Variants in PRKG2 observed in about 807,000 individuals in gnomAD.
The protein encoded by PRKG2 is protein kinase cGMP-dependent 2.
Under a neutral mutation model 97.2 loss-of-function variants are expected in PRKG2, and 33 were observed. The ratio of observed to expected loss-of-function variants is 0.34; its 90% CI spans 0.26 to 0.45. The LOEUF (loss-of-function observed/expected upper bound fraction) is 0.45, where lower values mean the gene tolerates loss of function less well. Ranked by LOEUF, PRKG2 falls within the 20% of genes least tolerant of loss-of-function variation. PRKG2 has a pLI of 1.00. For synonymous variants in PRKG2, 330 were observed against 321.8 expected (o/e 1.03, Z -0.27); for missense variants, 638 against 900.0 (o/e 0.71, Z 3.73).
chr4:81,145,263 A>C (rs1338193986), intron 9 of PRKG2, among the ~76,000 whole-genome samples: 1 of 152,092 alleles, frequency 6.6e-6, no homozygotes, highest in Non-Finnish European at 1.5e-5. Flanking sequence ...AAGGTTTAAC[A>C]ACAATTTTTT....
chr4:81,137,700 C>G (rs1746849531), intron 12 of PRKG2, among the ~76,000 whole-genome samples: 1 of 152,248 alleles, frequency 6.6e-6, no homozygotes, highest in South Asian at 2.1e-4. Context: ...TTTCTCTAAC[C>G]ACAGACTGAA....
At chr4:81,093,453 T>TA (rs1560528619) in intron 17 of PRKG2, among the ~76,000 whole-genome samples, 2 of 151,964 alleles carry the variant, frequency 1.3e-5, no homozygotes, top group African/African-American at 4.8e-5. Flanking sequence ...TTAGCATCTA[T>TA]AGCTATCTAA....
At chr4:81,177,728 T>C (rs970514391) in intron 2 of PRKG2, among the ~76,000 whole-genome samples, 8 of 152,046 alleles carry the variant, frequency 5.3e-5, no homozygotes, top group African/African-American at 1.9e-4. Flanking sequence ...TTTGCAACTC[T>C]TTCTACAACT....
At chr4:81,166,117 C>T (rs1417864137) in intron 6 of PRKG2, among the ~76,000 whole-genome samples, 2 of 152,182 alleles carry the variant, frequency 1.3e-5, no homozygotes, top group African/African-American at 2.4e-5. Context: ...CGGCCAGGCA[C>T]TGTGTCATCA....
At chr4:81,197,392 C>T (rs1753028013) in intron 2 of PRKG2, among the ~76,000 whole-genome samples, 1 of 152,214 alleles carries the variant, frequency 6.6e-6, no homozygotes. Context: ...ACTGCTCAAA[C>T]TCACCTGGAA....
intron 6 of PRKG2, among the ~76,000 whole-genome samples, chr4:81,159,229 TC>T (rs1749392732): frequency 6.6e-6 from 1 of 151,850 alleles, no homozygotes; most frequent in Non-Finnish European, 1.5e-5. Context: ...AGGGCTAATT[TC>T]CAGAATCTAC....
chr4:81,162,088 C>T (rs1749630111), intron 6 of PRKG2, among the ~76,000 whole-genome samples: 1 of 152,086 alleles, frequency 6.6e-6, no homozygotes, highest in Non-Finnish European at 1.5e-5. Context: ...CAGCTGTTTC[C>T]TACATCTTCT....
chr4:81,178,986 G>A (rs142515082), intron 2 of PRKG2, among the ~76,000 whole-genome samples: 4,348 of 151,910 alleles, frequency 0.029, 218 homozygotes, highest in African/African-American at 0.1. Context: ...ATAGCTGGTC[G>A]TGGTGGCAGG....
At chr4:81,183,745 T>C (rs1751628864) in intron 2 of PRKG2, among the ~76,000 whole-genome samples, 1 of 151,966 alleles carries the variant, frequency 6.6e-6, no homozygotes, top group Non-Finnish European at 1.5e-5. Flanking sequence ...ATCCACTAGC[T>C]TGAAATTCTC....
chr4:81,111,370 T>G (rs1178622026), intron 14 of PRKG2, among the ~76,000 whole-genome samples: 3 of 151,274 alleles, frequency 2.0e-5, no homozygotes, highest in Non-Finnish European at 4.4e-5. Flanking sequence ...CAGACTTCAG[T>G]GCATTAGCAA....
intron 5 of PRKG2, among the ~76,000 whole-genome samples, chr4:81,168,042 A>T (rs933431008): frequency 7.5e-5 from 11 of 146,306 alleles, no homozygotes; most frequent in African/African-American, 1.8e-4. Flanking sequence ...AAATGTAAAT[A>T]AAAAAAATAC....
chr4:81,155,327 T>G (rs1414789367), intron 6 of PRKG2, among the ~76,000 whole-genome samples: 2 of 151,516 alleles, frequency 1.3e-5, no homozygotes, highest in African/African-American at 4.9e-5. Context: ...AGAAAGGGTA[T>G]CAGCAATGGA....
At chr4:81,177,313 G>C (rs988473211) in intron 2 of PRKG2, among the ~76,000 whole-genome samples, 1 of 152,102 alleles carries the variant, frequency 6.6e-6, no homozygotes, top group Non-Finnish European at 1.5e-5. Context: ...TTATAACTTG[G>C]TGTATAGACA....
At chr4:81,190,122 C>A (rs563002690) in intron 2 of PRKG2, among the ~76,000 whole-genome samples, 1 of 152,160 alleles carries the variant, frequency 6.6e-6, no homozygotes, top group Admixed American at 6.5e-5. Flanking sequence ...ATAGCCAAGA[C>A]AATCCTAAGC....
At position 81,090,294 on chromosome 4, in the gene PRKG2, G is replaced by GT. The variant is rs201364348; in HGVS notation, c.2194-492dup. ...AATCACTTGAACCTGAGAGGTGAAG[G>GT]TTGCAGTGAGCTGAGATCACACCAC... On this transcript the variant is annotated intron_variant, in intron 18 of 18. Transcript: ENST00000264399. Among the ~76,000 whole-genome samples the GT allele has an allele frequency of 4.9e-3, 751 of 152,144 alleles. 4 individuals carry two copies. Among genetic ancestry groups the GT allele is most frequent in the African/African-American group, 0.017 (724 of 41,492 alleles).
chr4:81,217,331 G>A (rs1247321660), upstream of PRKG2, among the ~76,000 whole-genome samples: 2 of 152,040 alleles, frequency 1.3e-5, no homozygotes, highest in East Asian at 1.9e-4. Context: ...CTTTCTTACC[G>A]TTCATTGAGG....
intron 17 of PRKG2, 41 bp from the exon 18 acceptor site, chr4:81,092,493 GA>G: frequency 9.8e-7 from 1 of 1,019,378 alleles, no homozygotes. Flanking sequence ...AGGAAGGAAG[GA>G]AGGAAGGAAG....
chr4:81,136,572 C>T (rs184628640), intron 13 of PRKG2, among the ~76,000 whole-genome samples: 86 of 152,232 alleles, frequency 5.6e-4, no homozygotes, highest in African/African-American at 1.9e-3. Context: ...ATAATACTAC[C>T]CCAACTTCCC....
At chr4:81,090,133 A>T (rs751960283) in intron 18 of PRKG2, among the ~76,000 whole-genome samples, 12 of 152,190 alleles carry the variant, frequency 7.9e-5, no homozygotes, top group Non-Finnish European at 1.2e-4. Context: ...CAAGACAAGC[A>T]GATCACCTGA....
Sources: gnomAD v4.1 joint callset for allele counts (sites outside exome capture counted in the v4.1 genomes callset) on GRCh38, gnomAD v4.1.1 for gene constraint, MANE v1.5 for transcripts, NCBI Gene and HGNC (gene_info 2026-07-23, HGNC 2026-07-21) for gene names.